Variants in MEIS2 observed in about 807,000 individuals in gnomAD.
The protein encoded by MEIS2 is Meis homeobox 2.
Under a neutral mutation model 58.6 loss-of-function variants are expected in MEIS2, and 9 were observed. The ratio of observed to expected loss-of-function variants is 0.15; its 90% CI spans 0.09 to 0.27. The LOEUF (loss-of-function observed/expected upper bound fraction) is 0.27, where lower values mean the gene tolerates loss of function less well. Ranked by LOEUF, MEIS2 falls within the 10% of genes least tolerant of loss-of-function variation. The probability of loss-of-function intolerance (pLI) is 1.00; values close to 1 mark genes in which losing one functional copy is unlikely to be tolerated. For missense variants in MEIS2, 427 were observed against 635.0 expected (o/e 0.67, Z 3.52); for synonymous variants, 221 against 228.4 (o/e 0.97, Z 0.29).
intron 9 of MEIS2, among the ~76,000 whole-genome samples, chr15:36,905,542 C>T (rs902654895): frequency 6.6e-6 from 1 of 152,028 alleles, no homozygotes; most frequent in Admixed American, 6.6e-5. Context: ...CAATGAGAGA[C>T]TGGGTTTGGC....
At chr15:37,020,987 G>A (rs1022638040) in intron 8 of MEIS2, among the ~76,000 whole-genome samples, 4 of 152,088 alleles carry the variant, frequency 2.6e-5, no homozygotes, top group Non-Finnish European at 5.9e-5. Flanking sequence ...GAAATGTTAT[G>A]CAGGGACAGG....
Position 37,083,794 on chromosome 15 carries a change from C to T in MEIS2, c.731G>A (p.Ser244Asn), listed in dbSNP as rs1200949253. 1.2e-6 allele frequency: 2 copies of T among 1,613,978 alleles called. No homozygotes were observed. The highest frequency in any genetic ancestry group is 1.7e-6 in the Non-Finnish European group (2 of 1,179,940). Residue 244 changes from serine (S) to asparagine (N), a missense_variant, in exon 7 of 12, where the codon AGC becomes AAC. Ser to Asn is a conservative substitution (Grantham distance 46). Coordinates refer to ENST00000561208, the MANE Select transcript of MEIS2 (RefSeq NM_170675.5). Reference protein sequence around the residue: ...GPSSGGHASQSGDNSSEQGDG... With the variant: ...GPSSGGHASQNGDNSSEQGDG... ...ACCTTGCTCACTGCTGTTGTCTCCG[C>T]TCTGGGAAGCATGGCCCCCACTGGA...
At chr15:36,977,044 T>A (rs945680427) in intron 8 of MEIS2, among the ~76,000 whole-genome samples, 18 of 152,178 alleles carry the variant, frequency 1.2e-4, no homozygotes, top group Non-Finnish European at 2.5e-4. Context: ...GAGAATCGTT[T>A]GAACCTGGGA....
In MEIS2 at chr15:37,098,045, G is replaced by A. The variant is rs372646327; in HGVS notation, c.167C>T (p.Pro56Leu). 1 of 1,613,394 alleles carries A rather than the reference G, an allele frequency of 6.2e-7. No homozygotes were observed. Among genetic ancestry groups the A allele is most frequent in the Non-Finnish European group, 8.5e-7 (1 of 1,179,602 alleles). The change falls in exon 2 of 12, where the codon CCG (proline) becomes CTG (leucine). Residue 56 changes from proline to leucine, a missense_variant. Physicochemically the swap from Pro to Leu is moderately conservative, Grantham distance 98. Coordinates refer to ENST00000561208, the MANE Select transcript of MEIS2 (RefSeq NM_170675.5). ...HATQHYGAHA[P>L]HPNVMPASMG... is the part of the protein sequence containing the mutation. ...ACTGGCCGGCATGACATTGGGGTGC[G>A]GGGCGTGCGCGCCGTAGTGCTGTGT...
intron 8 of MEIS2, among the ~76,000 whole-genome samples, chr15:36,951,122 G>A (rs2058736268): frequency 6.6e-6 from 1 of 152,056 alleles, no homozygotes; most frequent in South Asian, 2.1e-4. Flanking sequence ...TGAAGCCATA[G>A]GTTTTGGTGT....
chr15:37,098,458 A>G, intron 1 of MEIS2: 1 of 1,117,632 alleles, frequency 8.9e-7, no homozygotes. Context: ...AGAAAGGAGA[A>G]AAGTACCGAG....
chr15:36,999,959 C>G (rs78991620), intron 8 of MEIS2, among the ~76,000 whole-genome samples: 5,085 of 152,210 alleles, frequency 0.033, 119 homozygotes, highest in Non-Finnish European at 0.054. Flanking sequence ...GTCAAAGAGT[C>G]ACCAGGCCTA....
intron 8 of MEIS2, among the ~76,000 whole-genome samples, chr15:36,955,411 C>A (rs2058923080): frequency 6.6e-6 from 1 of 151,984 alleles, no homozygotes. Flanking sequence ...TTTTGTATTT[C>A]TCCCCCATTC....
At chr15:37,008,868 G>C (rs2061018274) in intron 8 of MEIS2, among the ~76,000 whole-genome samples, 1 of 152,166 alleles carries the variant, frequency 6.6e-6, no homozygotes, top group Non-Finnish European at 1.5e-5. Flanking sequence ...AGAATTTTCA[G>C]GCTGAGAATA....
rs1473503178 is a variant in MEIS2 at position 37,099,736 on chromosome 15, T to G, written c.-270A>C. 4 of 339,614 alleles carry G rather than the reference T, an allele frequency of 1.2e-5. No homozygotes were observed. Among genetic ancestry groups the G allele is most frequent in the Non-Finnish European group, 1.0e-5 (2 of 194,630 alleles). The allele number at this position is 339,614 out of a possible 1,614,324, so 21.0% of individuals were successfully genotyped here. ...CTCCTCCTCCTCCACCTCCTCCTCC[T>G]CCCCCCTCCCCTCCTCCTCCTCTTC... On this transcript the variant is annotated 5_prime_UTR_variant, in exon 1 of 12. Coordinates refer to ENST00000561208, the MANE Select transcript of MEIS2 (RefSeq NM_170675.5).
intron 8 of MEIS2, among the ~76,000 whole-genome samples, chr15:36,980,362 T>C (rs536279863): frequency 6.6e-6 from 1 of 152,268 alleles, no homozygotes; most frequent in South Asian, 2.1e-4. Flanking sequence ...CTGGGCAGTT[T>C]ACAAAAGAAA....
At chr15:36,995,849 G>T (rs2060474642) in intron 8 of MEIS2, among the ~76,000 whole-genome samples, 1 of 145,912 alleles carries the variant, frequency 6.9e-6, no homozygotes, top group Non-Finnish European at 1.5e-5. Context: ...CACACAATAG[G>T]CATTTTTCTT....
chr15:37,017,931 G>T (rs1005871179), intron 8 of MEIS2, among the ~76,000 whole-genome samples: 11 of 152,052 alleles, frequency 7.2e-5, no homozygotes, highest in African/African-American at 2.7e-4. Context: ...AAAAGTATTT[G>T]TCCCCTTAAA....
At chr15:37,058,552 C>T in intron 7 of MEIS2, among the ~76,000 whole-genome samples, 1 of 152,218 alleles carries the variant, frequency 6.6e-6, no homozygotes, top group Non-Finnish European at 1.5e-5. Context: ...GGCAGACACT[C>T]AGTTGTCAAA....
At chr15:37,028,877 C>T (rs535244178) in intron 8 of MEIS2, among the ~76,000 whole-genome samples, 9 of 152,212 alleles carry the variant, frequency 5.9e-5, no homozygotes, top group South Asian at 4.2e-4. Context: ...TCTGAAATTA[C>T]CCTTCTGCCC....
chr15:36,912,821 C>T (rs1427628642), intron 9 of MEIS2, among the ~76,000 whole-genome samples: 2 of 148,418 alleles, frequency 1.3e-5, no homozygotes, highest in African/African-American at 2.5e-5. Flanking sequence ...GCTACTCACC[C>T]CCCACTCCTG....
intron 9 of MEIS2, among the ~76,000 whole-genome samples, chr15:36,947,743 T>A (rs2058620042): frequency 6.6e-6 from 1 of 151,932 alleles, no homozygotes; most frequent in Non-Finnish European, 1.5e-5. Context: ...TACACTCTGA[T>A]CCCCTCTGCT....
rs1555438306 is a variant in MEIS2 at position 36,971,553 on chromosome 15, A to AAAAAAAAAAAAAAAAAAAAAAAAAAAAAG, written c.901-21154_901-21153insCTTTTTTTTTTTTTTTTTTTTTTTTTTTT. ...TTGTTACATTAAAAAAAAAAAAAAA[A>AAAAAAAAAAAAAAAAAAAAAAAAAAAAAG]AAAAAAAAAAAGGGCTGTTCCAGTG... is the stretch of plus-strand genomic sequence containing the variant. On this transcript the variant is annotated intron_variant, in intron 8 of 11. Transcript: ENST00000561208. 2.9e-4 allele frequency among the ~76,000 whole-genome samples: 38 copies of AAAAAAAAAAAAAAAAAAAAAAAAAAAAAG among 132,056 alleles called. 4 individuals carry two copies. Among genetic ancestry groups the AAAAAAAAAAAAAAAAAAAAAAAAAAAAAG allele is most frequent in the African/African-American group, 1.2e-3 (34 of 29,558 alleles). The allele number at this position is 132,056 out of a possible 152,430, so 86.6% of individuals were successfully genotyped here.
chr15:37,030,681 C>A (rs1265024406), intron 8 of MEIS2, among the ~76,000 whole-genome samples: 1 of 151,672 alleles, frequency 6.6e-6, no homozygotes, highest in Admixed American at 6.6e-5. Context: ...GAGACAGGGT[C>A]TCACTTTGTC....
Sources: gnomAD v4.1 joint callset for allele counts (sites outside exome capture counted in the v4.1 genomes callset) on GRCh38, gnomAD v4.1.1 for gene constraint, MANE v1.5 for transcripts, NCBI Gene and HGNC (gene_info 2026-07-23, HGNC 2026-07-21) for gene names.